BCKDHB: variants seen among roughly 807,000 people sequenced by gnomAD.
The protein encoded by BCKDHB is branched chain keto acid dehydrogenase E1 subunit beta, also known as 2-oxoisovalerate dehydrogenase subunit beta, mitochondrial.
In BCKDHB, 41 loss-of-function variants were observed where a neutral mutation model predicts 48.5. The observed-to-expected ratio is 0.85, with a 90% confidence interval of 0.66 to 1.10. The LOEUF (loss-of-function observed/expected upper bound fraction) is 1.10, where lower values mean the gene tolerates loss of function less well. Among genes scored for constraint, BCKDHB ranks in the 50% least tolerant of loss-of-function variants. BCKDHB has a pLI of 0.00. For synonymous variants in BCKDHB, 201 were observed against 174.8 expected, an observed-to-expected ratio of 1.15 and a Z score of -1.18; for missense variants, 496 against 494.2, an observed-to-expected ratio of 1.00 and a Z score of -0.03.
chr6:80,113,165 G>A (rs928165186), intron 1 of BCKDHB, among the ~76,000 whole-genome samples: 3 of 152,232 alleles, frequency 2.0e-5, no homozygotes, highest in Admixed American at 2.0e-4. Context: ...CCTGAAACGT[G>A]TGAATTCACC....
intron 9 of BCKDHB, among the ~76,000 whole-genome samples, chr6:80,340,215 C>T (rs1769815727): frequency 6.6e-6 from 1 of 152,204 alleles, no homozygotes; most frequent in African/African-American, 2.4e-5. Flanking sequence ...TCTTTAAGCA[C>T]CTGTCATATG....
intron 8 of BCKDHB, among the ~76,000 whole-genome samples, chr6:80,242,890 A>G (rs1776446417): frequency 6.6e-6 from 1 of 152,162 alleles, no homozygotes; most frequent in Non-Finnish European, 1.5e-5. Context: ...AGAGACCCAA[A>G]TCTGTTTGGG....
the BCKDHB span, among the ~76,000 whole-genome samples, chr6:80,397,129 G>T: frequency 6.6e-6 from 1 of 152,050 alleles, no homozygotes; most frequent in Non-Finnish European, 1.5e-5. Flanking sequence ...TGAGTTTTTT[G>T]TCAGATAGGG....
intron 3 of BCKDHB, among the ~76,000 whole-genome samples, chr6:80,162,588 C>T (rs953113954): frequency 6.6e-6 from 1 of 152,256 alleles, no homozygotes; most frequent in Non-Finnish European, 1.5e-5. Flanking sequence ...CAGTGGCTCA[C>T]GCCTGTAATC....
rs1458315150 is a variant in BCKDHB at position 80,114,180 on chromosome 6, C to G, written c.196+7291C>G. Among the ~76,000 whole-genome samples the G allele has an allele frequency of 2.6e-5, 4 of 151,756 alleles. No individual in the cohort carries two copies. The South Asian group carries it at 6.3e-4, about 24-fold the overall frequency. The stretch of plus-strand genomic sequence containing the variant: ...TGAGTTGGCCTTAGGTTCCCTGCCT[C>G]CAGACCCTATTCTGCCTCAAAGGAA... On this transcript the variant is annotated intron_variant, in intron 1 of 9. Transcript: ENST00000320393.
intron 9 of BCKDHB, among the ~76,000 whole-genome samples, chr6:80,287,085 G>A (rs1766659927): frequency 6.6e-6 from 1 of 152,142 alleles, no homozygotes; most frequent in South Asian, 2.1e-4. Flanking sequence ...CCCACTTGTT[G>A]TTGATCCAAC....
intron 6 of BCKDHB, among the ~76,000 whole-genome samples, chr6:80,187,408 G>A (rs1351068478): frequency 1.3e-5 from 2 of 152,064 alleles, no homozygotes; most frequent in African/African-American, 4.8e-5. Flanking sequence ...GGGGGCATGA[G>A]AACTAATTAG....
At chr6:80,427,386 C>T in the BCKDHB span, among the ~76,000 whole-genome samples, 1 of 151,840 alleles carries the variant, frequency 6.6e-6, no homozygotes, top group Non-Finnish European at 1.5e-5. Context: ...TTCCCCATTC[C>T]AACCTTTTTG....
At chr6:80,412,204 C>T in the BCKDHB span, among the ~76,000 whole-genome samples, 2 of 147,772 alleles carry the variant, frequency 1.4e-5, no homozygotes, top group African/African-American at 2.5e-5. Flanking sequence ...AGTGCAATGG[C>T]ACAATCTCAG....
intron 3 of BCKDHB, chr6:80,135,717 C>G (rs564636807): frequency 6.6e-6 from 1 of 152,204 alleles, no homozygotes; most frequent in Non-Finnish European, 1.5e-5. Context: ...TTTTACAGTT[C>G]AGTGTTATTA....
intron 1 of BCKDHB, among the ~76,000 whole-genome samples, chr6:80,115,504 A>G (rs994048614): frequency 2.6e-5 from 4 of 152,178 alleles, no homozygotes; most frequent in African/African-American, 4.8e-5. Context: ...TGGGGAAAAC[A>G]GGTAGTTTCT....
chr6:80,118,869 T>C (rs1386687499), intron 1 of BCKDHB, among the ~76,000 whole-genome samples: 1 of 152,200 alleles, frequency 6.6e-6, no homozygotes, highest in Non-Finnish European at 1.5e-5. Flanking sequence ...GAGCAACTCC[T>C]CATCCATTGA....
At chr6:80,226,523 T>C (rs1390655028) in intron 8 of BCKDHB, among the ~76,000 whole-genome samples, 1 of 152,040 alleles carries the variant, frequency 6.6e-6, no homozygotes, top group African/African-American at 2.4e-5. Flanking sequence ...AAAATGAAAA[T>C]GGTAGGAGTG....
At chr6:80,404,346 A>G in the BCKDHB span, among the ~76,000 whole-genome samples, 7 of 151,986 alleles carry the variant, frequency 4.6e-5, no homozygotes, top group East Asian at 3.9e-4. Flanking sequence ...CTTCTAGATT[A>G]TGTACCTTTT....
chr6:80,348,357 A>C (rs1326661799), downstream of BCKDHB, among the ~76,000 whole-genome samples: 1 of 152,144 alleles, frequency 6.6e-6, no homozygotes, highest in Non-Finnish European at 1.5e-5. Context: ...CTTTCTCATC[A>C]GCTTGCCTAG....
intron 3 of BCKDHB, among the ~76,000 whole-genome samples, chr6:80,136,386 A>G (rs919506946): frequency 2.6e-5 from 4 of 152,152 alleles, no homozygotes; most frequent in Admixed American, 6.6e-5. Flanking sequence ...TCAACAAATG[A>G]TGCTGGGAAA....
chr6:80,389,111 G>C, the BCKDHB span, among the ~76,000 whole-genome samples: 4 of 152,220 alleles, frequency 2.6e-5, no homozygotes, highest in Non-Finnish European at 5.9e-5. Context: ...CCATGTGAGT[G>C]CTCACCAATG....
intron 9 of BCKDHB, among the ~76,000 whole-genome samples, chr6:80,315,099 T>C (rs1768370546): frequency 6.6e-6 from 1 of 152,168 alleles, no homozygotes; most frequent in South Asian, 2.1e-4. Flanking sequence ...AAATGGGGCC[T>C]GTAGAACTGA....
chr6:80,141,748 G>T lies in BCKDHB; in HGVS notation c.343+12519G>T, dbSNP rs563414188. Among the ~76,000 whole-genome samples, 8 of 152,050 alleles carry T rather than the reference G, an allele frequency of 5.3e-5. No individual in the cohort carries two copies. The South Asian group carries it at 1.7e-3, about 32-fold the overall frequency. ...TTAAGCATCACAAGAATTAGAAAAT[G>T]AGACCATGTGTATTTTATTAAGAAC... On this transcript the variant is annotated intron_variant, in intron 3 of 9. Transcript: ENST00000320393.
Sources: gnomAD v4.1 joint callset for allele counts (sites outside exome capture counted in the v4.1 genomes callset) on GRCh38, gnomAD v4.1.1 for gene constraint, MANE v1.5 for transcripts, NCBI Gene and HGNC (gene_info 2026-07-23, HGNC 2026-07-21) for gene names.